PCBD2: variants seen among roughly 807,000 people sequenced by gnomAD.
The protein encoded by PCBD2 is pterin-4-alpha-carbinolamine dehydratase 2.
Under a neutral mutation model 16.4 loss-of-function variants are expected in PCBD2, and 12 were observed. That is an observed-to-expected ratio of 0.73 (90% CI 0.47 to 1.19). The LOEUF (loss-of-function observed/expected upper bound fraction) is 1.19. PCBD2 is among the 50% of genes most tolerant of loss of function. PCBD2 has a pLI of 0.00. For synonymous variants in PCBD2, 58 were observed against 61.8 expected (o/e 0.94, Z 0.29); for missense variants, 138 against 156.8 (o/e 0.88, Z 0.64).
At chr5:134,949,672 G>A (rs1012949798) in intron 2 of PCBD2, among the ~76,000 whole-genome samples, 3 of 152,156 alleles carry the variant, frequency 2.0e-5, no homozygotes, top group African/African-American at 2.4e-5. Flanking sequence ...AAAATCTGAC[G>A]TTTCCTTTGC....
Position 134,960,631 on chromosome 5 carries a change from A to G in PCBD2, c.343A>G (p.Lys115Glu). 1 of 1,613,804 alleles carries G rather than the reference A, an allele frequency of 6.2e-7. No homozygotes were observed. The highest frequency in any genetic ancestry group is 1.7e-4 in the Middle Eastern group (1 of 6,060). Reference sequence around the variant, plus strand: ...ACATGACTGTGGTGAACTGACCAAAAAAGATGTGAAGCTGGCCAAGTTTAT... The same window carrying G: ...ACATGACTGTGGTGAACTGACCAAAGAAGATGTGAAGCTGGCCAAGTTTAT... The part of the protein sequence containing the change: ...TSHDCGELTK[K>E]DVKLAKFIEK... The change falls in exon 4 of 4, where the codon AAA becomes GAA. Residue 115 changes from lysine to glutamate, a missense_variant. Physicochemically the swap from Lys to Glu is moderately conservative, Grantham distance 56. Transcript: ENST00000254908.
intron 2 of PCBD2, chr5:134,924,870 A>G: frequency 2.6e-6 from 1 of 390,698 alleles, no homozygotes; most frequent in Non-Finnish European, 4.5e-6. Context: ...GTATGATACT[A>G]GGGTAAAATC....
In PCBD2 at chr5:134,947,603, T is replaced by G. The variant is rs536099358; in HGVS notation, c.217-11437T>G. Among the ~76,000 whole-genome samples the G allele has an allele frequency of 5.1e-4, 78 of 151,784 alleles. 1 individual carries two copies. The South Asian group carries it at 7.1e-3, about 14-fold the overall frequency. The stretch of plus-strand genomic sequence containing the variant: ...AGGGTTTCACCATGTTAGCCAGGAT[T>G]GTCTTGATCTCCTGACCTTATGATC... On this transcript the variant is annotated intron_variant, in intron 2 of 3. Coordinates refer to ENST00000254908, the MANE Select transcript of PCBD2 (RefSeq NM_032151.5).
chr5:134,905,358 C>G, intron 1 of PCBD2, 135 bp downstream of exon 1: 9 of 758,090 alleles, frequency 1.2e-5, no homozygotes, highest in Non-Finnish European at 8.9e-6. Flanking sequence ...GGCGTCGGGT[C>G]ACCGCGTCCC....
chr5:134,913,119 T>C (rs1290914718), intron 2 of PCBD2, among the ~76,000 whole-genome samples: 1 of 152,242 alleles, frequency 6.6e-6, no homozygotes, highest in East Asian at 1.9e-4. Flanking sequence ...TATCATGAAA[T>C]ATTTATTAAT....
intron 1 of PCBD2, 92 bp from the exon 2 acceptor site, chr5:134,910,243 C>G (rs1240856708): frequency 2.9e-6 from 4 of 1,392,850 alleles, no homozygotes; most frequent in African/African-American, 1.5e-5. Context: ...GCCTTTCAGA[C>G]TTTTCTACAT....
intron 2 of PCBD2, among the ~76,000 whole-genome samples, chr5:134,938,344 A>C (rs1751185673): frequency 6.6e-6 from 1 of 152,118 alleles, no homozygotes; most frequent in African/African-American, 2.4e-5. Flanking sequence ...TTTAGAAGTC[A>C]TTTTCTCACT....
chr5:134,926,347 G>A (rs927736305), intron 2 of PCBD2: 10 of 373,966 alleles, frequency 2.7e-5, no homozygotes, highest in Non-Finnish European at 3.3e-5. Context: ...TGCGATAATG[G>A]ATTTTACTTA....
intron 1 of PCBD2, chr5:134,905,708 C>G (rs540751155): frequency 1.9e-4 from 29 of 153,704 alleles, no homozygotes; most frequent in African/African-American, 7.0e-4. Flanking sequence ...CTTTTCTTTC[C>G]TTTTCCAAGG....
chr5:134,959,980 TC>T (rs1751457464), intron 3 of PCBD2, among the ~76,000 whole-genome samples: 2 of 128,556 alleles, frequency 1.6e-5, no homozygotes, highest in Admixed American at 1.0e-4. Context: ...AGCCTCCACC[TC>T]CCGGGTTCAA....
chr5:134,944,871 A>G (rs1354212513), intron 2 of PCBD2, among the ~76,000 whole-genome samples: 2 of 152,248 alleles, frequency 1.3e-5, no homozygotes, highest in Non-Finnish European at 2.9e-5. Context: ...TTATCTGGTC[A>G]GGTGGTTTAG....
intron 2 of PCBD2, among the ~76,000 whole-genome samples, chr5:134,931,072 CAT>C (rs779342019): frequency 1.8e-4 from 28 of 152,236 alleles, no homozygotes; most frequent in Non-Finnish European, 2.8e-4. Context: ...CACCCACCAC[CAT>C]GCCCGGCTAA....
chr5:134,960,504 A>G (rs376417993), intron 3 of PCBD2, 82 bp from the exon 4 acceptor site: 17 of 927,970 alleles, frequency 1.8e-5, no homozygotes, highest in South Asian at 1.5e-4. Flanking sequence ...ATGTTGAATA[A>G]TAGACTGATT....
intron 2 of PCBD2, chr5:134,927,454 T>TA (rs938680684): frequency 4.5e-5 from 18 of 398,280 alleles, no homozygotes; most frequent in Middle Eastern, 1.3e-3. Flanking sequence ...GCTAGCCATA[T>TA]TAAGTTATTG....
chr5:134,930,304 G>T (rs944358720), intron 2 of PCBD2, among the ~76,000 whole-genome samples: 1 of 152,046 alleles, frequency 6.6e-6, no homozygotes, highest in African/African-American at 2.4e-5. Context: ...AATGCATGAG[G>T]GCCCATGATT....
intron 2 of PCBD2, chr5:134,923,412 G>T: frequency 4.8e-6 from 1 of 208,226 alleles, no homozygotes. Context: ...GTCGGAATGG[G>T]AGGTGATTCC....
At position 134,924,167 on chromosome 5, in the gene PCBD2, G is replaced by T. The variant is rs1750951525; in HGVS notation, c.216+13701G>T. Reference sequence around the variant, plus strand: ...TGTTGAGTGTGGGTTTAGTAATGGGGTTTGTGGGGTTTTCTTCTAAGCCTT... The same window carrying T: ...TGTTGAGTGTGGGTTTAGTAATGGGTTTTGTGGGGTTTTCTTCTAAGCCTT... On this transcript the variant is annotated intron_variant, in intron 2 of 3. Transcript: ENST00000254908. 4 of 397,568 alleles carry T rather than the reference G, an allele frequency of 1.0e-5. No homozygotes were observed. The South Asian group carries it at 3.9e-4, about 39-fold the overall frequency. 24.6% of individuals were successfully genotyped at this position (397,568 alleles called of 1,614,324 possible).
In PCBD2 at chr5:134,960,885, GC is replaced by G; in HGVS notation, c.*206del. On this transcript the variant is annotated 3_prime_UTR_variant, in exon 4 of 4. Coordinates refer to ENST00000254908, the MANE Select transcript of PCBD2 (RefSeq NM_032151.5). ...AGGTTCAGGTGATTCTCCTGCCTCA[GC>G]CTCCTGAGTAGCTGGGATTACAAGC... 1 of 451,418 alleles carries G rather than the reference GC, an allele frequency of 2.2e-6. No individual in the cohort carries two copies. The highest frequency in any genetic ancestry group is 4.0e-6 in the Non-Finnish European group (1 of 251,754). 28.0% of individuals were successfully genotyped at this position (451,418 alleles called of 1,614,324 possible).
intron 2 of PCBD2, among the ~76,000 whole-genome samples, chr5:134,943,095 A>T (rs1751248281): frequency 1.3e-5 from 2 of 152,168 alleles, no homozygotes; most frequent in Admixed American, 1.3e-4. Context: ...AAATCTAGAA[A>T]TGGAATTGCT....
Sources: allele counts gnomAD v4.1 joint callset (sites outside exome capture counted in the v4.1 genomes callset), GRCh38; gene constraint gnomAD v4.1.1; transcripts MANE v1.5; gene names NCBI Gene and HGNC (gene_info 2026-07-23, HGNC 2026-07-21).